DNAH9: variants seen among roughly 807,000 people sequenced by gnomAD.
The protein encoded by DNAH9 is DNAH9 variant protein.
DNAH9 carries 345 observed loss-of-function variants against 471.6 expected under a neutral mutation model. The observed-to-expected ratio is 0.73, with a 90% confidence interval of 0.67 to 0.80. The LOEUF (loss-of-function observed/expected upper bound fraction) is 0.80, where lower values mean the gene tolerates loss of function less well. DNAH9 is among the 30% of genes least tolerant of loss of function. The pLI, the probability that DNAH9 is intolerant of heterozygous loss-of-function variation, is 0.00. For synonymous variants in DNAH9, 2,093 were observed against 2,123.6 expected (o/e 0.99, Z 0.40); for missense variants, 5,407 against 5,609.2 (o/e 0.96, Z 1.15).
Position 11,690,053 on chromosome 17 carries a change from C to T in DNAH9, c.4231C>T (p.Leu1411Phe), listed in dbSNP as rs747548719. ...CACCACCCTAGCGCACCTGCTGCAG[C>T]TCCAGCTGCACCACTATGAGGATGA... Reference protein sequence around the residue: ...QDTTLAHLLQLQLHHYEDEVR... With the variant: ...QDTTLAHLLQFQLHHYEDEVR... Residue 1411 changes from leucine (L) to phenylalanine (F), a missense_variant, in exon 20 of 69, where the codon CTC becomes TTC. Physicochemically the swap from Leu to Phe is conservative, Grantham distance 22 (BLOSUM62 0). Coordinates refer to ENST00000262442, the MANE Select transcript of DNAH9 (RefSeq NM_001372.4). 3.7e-6 allele frequency: 6 copies of T among 1,614,190 alleles called. No homozygotes were observed. In the South Asian group the frequency reaches 4.4e-5, roughly 12 times the overall value.
At chr17:11,952,582 A>C (rs1379581107) in intron 67 of DNAH9, among the ~76,000 whole-genome samples, 1 of 152,184 alleles carries the variant, frequency 6.6e-6, no homozygotes, top group Non-Finnish European at 1.5e-5. Context: ...TGTAAGGCCA[A>C]GGACAATGGA....
At chr17:11,832,961 C>T (rs899696033) in intron 48 of DNAH9, among the ~76,000 whole-genome samples, 4 of 152,168 alleles carry the variant, frequency 2.6e-5, no homozygotes, top group Admixed American at 2.0e-4. Flanking sequence ...CAAACTTAGA[C>T]GGGCATCAGA....
chr17:11,783,797 C>A, intron 40 of DNAH9, 49 bp downstream of exon 40: 1 of 1,441,624 alleles, frequency 6.9e-7, no homozygotes, highest in Non-Finnish European at 9.7e-7. Flanking sequence ...CTTACTAGAG[C>A]TGATGCCCCT....
rs1179941724 is a variant in DNAH9, at chr17:11,611,771, G to A, written c.895G>A (p.Val299Ile). 6.2e-7 allele frequency: 1 copy of A among 1,614,096 alleles called. No homozygotes were observed. Among genetic ancestry groups the A allele is most frequent in the Non-Finnish European group, 8.5e-7 (1 of 1,180,020 alleles). The change falls in exon 4 of 69, where the codon GTT (valine) becomes ATT (isoleucine). Residue 299 changes from valine to isoleucine, a missense_variant. Physicochemically the swap from Val to Ile is conservative, Grantham distance 29. This residue lies in a region of DNAH9 where 767 missense variants were observed against 692.5 expected (regional missense o/e 1.11). Coordinates refer to ENST00000262442, the MANE Select transcript of DNAH9 (RefSeq NM_001372.4). ...AGCTTTCAAAGCCATGTACAGAGAT[G>A]TTGTTGCAGGTGAGGACCAGCAAGT... ...FPAFKAMYRD[V>I]VAALAEAQDI...
intron 14 of DNAH9, among the ~76,000 whole-genome samples, chr17:11,660,854 ATTC>A (rs1375188531): frequency 6.6e-6 from 1 of 152,114 alleles, no homozygotes; most frequent in East Asian, 1.9e-4. Flanking sequence ...AATAATGTTT[ATTC>A]TTCTTTTGTT....
At chr17:11,833,467 G>C (rs1435038752) in intron 48 of DNAH9, among the ~76,000 whole-genome samples, 1 of 152,182 alleles carries the variant, frequency 6.6e-6, no homozygotes, top group Non-Finnish European at 1.5e-5. Context: ...AAGAGGGAAG[G>C]CTTCCAGTGT....
chr17:11,601,252 A>G (rs545564057), intron 1 of DNAH9, among the ~76,000 whole-genome samples: 34 of 150,808 alleles, frequency 2.3e-4, no homozygotes, highest in African/African-American at 8.3e-4. Context: ...TAATGCTGCA[A>G]TTTAAGATAA....
In DNAH9 at chr17:11,797,638, G is replaced by A; in HGVS notation, c.8265G>A (p.Leu2755=). 1.9e-6 allele frequency: 3 copies of A among 1,614,132 alleles called. No homozygotes were observed. The highest frequency in any genetic ancestry group is 2.5e-6 in the Non-Finnish European group (3 of 1,180,030). Residue 2755 remains leucine, a synonymous_variant, in exon 43 of 69, where the codon CTG becomes CTA. Coordinates refer to ENST00000262442, the MANE Select transcript of DNAH9 (RefSeq NM_001372.4). The part of the protein sequence containing the change: ...DPVEQTQSPN[L]YCHFANGIGE... ...TGGAGCAGACCCAAAGCCCGAACCT[G>A]TATTGTCACTTTGCAAATGGTATTG...
In DNAH9 at chr17:11,644,676, A is replaced by G. The variant is rs375863311; in HGVS notation, c.1947A>G (p.Glu649=). 4.3e-6 allele frequency: 7 copies of G among 1,612,990 alleles called. No homozygotes were observed. Residue 649 remains glutamate (E), a synonymous_variant, in exon 11 of 69, where the codon GAA becomes GAG. Coordinates refer to ENST00000262442, the MANE Select transcript of DNAH9 (RefSeq NM_001372.4). ...GAAAGCGAATGCAACAAAAATATGA[A>G]GATATGCTGTCATTGCTAGAAAAGT... ...AEGKRMQQKY[E]DMLSLLEKYE...
At position 11,693,007 on chromosome 17, in the gene DNAH9, G is replaced by A. The variant is rs1158079160; in HGVS notation, c.4615-861G>A. Among the ~76,000 whole-genome samples, 4 of 151,376 alleles carry A rather than the reference G, an allele frequency of 2.6e-5. No individual in the cohort carries two copies. In the East Asian group the frequency reaches 7.8e-4, roughly 29 times the overall value. On this transcript the variant is annotated intron_variant, in intron 20 of 68. Transcript: ENST00000262442. ...TACAACCTCCGCCTCCCGGTTTCGA[G>A]CGATTCTCCTGCCTCAGCCTCCTGA...
rs1426723412 is a variant in DNAH9, at chr17:11,757,519, C to G, written c.6848-26C>G. 6 of 1,598,606 alleles carry G rather than the reference C, an allele frequency of 3.8e-6. No individual in the cohort carries two copies. The South Asian group carries it at 5.6e-5, about 15-fold the overall frequency. On this transcript the variant is annotated intron_variant, in intron 34 of 68. Coordinates refer to ENST00000262442, the MANE Select transcript of DNAH9 (RefSeq NM_001372.4). Reference sequence around the variant, plus strand: ...TATAATGATGTATATGGAATATTCACTAAACTGTATTCTCTGTGCTCACAG... The same window carrying G: ...TATAATGATGTATATGGAATATTCAGTAAACTGTATTCTCTGTGCTCACAG...
chr17:11,957,876 T>C (rs60907119), intron 67 of DNAH9, among the ~76,000 whole-genome samples: 7,989 of 152,302 alleles, frequency 0.052, 421 homozygotes, highest in East Asian at 0.18. Context: ...ACACAAGATC[T>C]GTCTGTATTA....
At position 11,767,693 on chromosome 17, in the gene DNAH9, G is replaced by T. The variant is rs78503635; in HGVS notation, c.7171-760G>T. Among the ~76,000 whole-genome samples the T allele has an allele frequency of 2.8e-3, 380 of 136,914 alleles. 1 individual carries two copies. The highest frequency in any genetic ancestry group is 0.013 in the African/African-American group (369 of 28,342). The allele number at this position is 136,914 out of a possible 152,430, so 89.8% of individuals were successfully genotyped here. On this transcript the variant is annotated intron_variant, in intron 36 of 68. Coordinates refer to ENST00000262442, the MANE Select transcript of DNAH9 (RefSeq NM_001372.4). ...TGCCAGTAGTAATGGGTATGTTTTG[G>T]GTCTGAGTGTGTGTGTGTGTGTTTG...
At chr17:11,655,856 C>T (rs2073633089) in intron 14 of DNAH9, among the ~76,000 whole-genome samples, 1 of 151,238 alleles carries the variant, frequency 6.6e-6, no homozygotes, top group Non-Finnish European at 1.5e-5. Flanking sequence ...ACTTTGGGGA[C>T]TCAGAGGAAA....
rs187738656 is a variant in DNAH9, at chr17:11,697,786, T to C, written c.4873-1945T>C. Among the ~76,000 whole-genome samples, 1,306 of 152,156 alleles carry C rather than the reference T, an allele frequency of 8.6e-3. 16 individuals carry two copies. Among genetic ancestry groups the C allele is most frequent in the Non-Finnish European group, 9.9e-3 (672 of 67,988 alleles). On this transcript the variant is annotated intron_variant, in intron 22 of 68. Transcript: ENST00000262442. Reference sequence around the variant, plus strand: ...CTCAAGCTCTTCCACCATATTTAATTTTTTGTGTCAATTCTGCACTTTAGT... The same window carrying C: ...CTCAAGCTCTTCCACCATATTTAATCTTTTGTGTCAATTCTGCACTTTAGT...
chr17:11,898,777 G>A (rs937895218), intron 59 of DNAH9, among the ~76,000 whole-genome samples: 2 of 152,162 alleles, frequency 1.3e-5, no homozygotes, highest in African/African-American at 4.8e-5. Flanking sequence ...AAAGTCATAA[G>A]GAATAAATGA....
intron 59 of DNAH9, among the ~76,000 whole-genome samples, chr17:11,899,207 A>G (rs1973322524): frequency 6.6e-6 from 1 of 151,598 alleles, no homozygotes; most frequent in Non-Finnish European, 1.5e-5. Flanking sequence ...TAAGCATTGT[A>G]TCTCGTGATG....
At chr17:11,894,297 C>T in intron 58 of DNAH9, 77 bp from the exon 59 acceptor site, 1 of 1,573,234 alleles carries the variant, frequency 6.4e-7, no homozygotes, top group Non-Finnish European at 8.7e-7. Flanking sequence ...AATAATTATA[C>T]TGAGTGACAA....
intron 26 of DNAH9, 77 bp from the exon 27 acceptor site, chr17:11,719,257 C>T: frequency 7.0e-7 from 1 of 1,421,012 alleles, no homozygotes; most frequent in Non-Finnish European, 9.7e-7. Flanking sequence ...TATGCCAGAT[C>T]TCACATGGCC....
Sources: gnomAD v4.1 joint callset for allele counts (sites outside exome capture counted in the v4.1 genomes callset) on GRCh38, gnomAD v4.1.1 for gene constraint, gnomAD v4.1.1 regional missense constraint, MANE v1.5 for transcripts, NCBI Gene and HGNC (gene_info 2026-07-23, HGNC 2026-07-21) for gene names.